CTC1: variants seen among roughly 807,000 people sequenced by gnomAD.
CTC1 encodes the protein CST complex subunit CTC1.
Under a neutral mutation model 136.3 loss-of-function variants are expected in CTC1, and 91 were observed. The ratio of observed to expected loss-of-function variants is 0.67; its 90% CI spans 0.56 to 0.79. The LOEUF is 0.79. CTC1 is among the 30% of genes least tolerant of loss of function. The pLI is 0.00. For missense variants in CTC1, 1,432 were observed against 1,498.1 expected (o/e 0.96, Z 0.73); for synonymous variants, 606 against 613.8 (o/e 0.99, Z 0.19).
intron 5 of CTC1, 25 bp from the exon 6 acceptor site, chr17:8,236,367 G>GT: frequency 6.3e-7 from 1 of 1,590,878 alleles, no homozygotes; most frequent in Non-Finnish European, 8.5e-7. Flanking sequence ...GACAGGCAAT[G>GT]TGACACAAGA....
At chr17:8,243,734 G>A (rs549515731) in intron 1 of CTC1, among the ~76,000 whole-genome samples, 71 of 152,218 alleles carry the variant, frequency 4.7e-4, no homozygotes, top group African/African-American at 1.6e-3. Flanking sequence ...TGAAGACCAA[G>A]AATGGACAAA....
chr17:8,234,545 C>A lies in CTC1; in HGVS notation c.1728G>T (p.Pro576=), dbSNP rs78320653. Residue 576 remains proline, a synonymous_variant, in exon 10 of 23, where the codon CCG becomes CCT. Transcript: ENST00000651323. Reference sequence around the variant, plus strand: ...GGCAGCTGGGCAGGTAGGAGGCCTCCGGGAGGGGCAGAAGGGCCTTAGGGT... The same window carrying A: ...GGCAGCTGGGCAGGTAGGAGGCCTCAGGGAGGGGCAGAAGGGCCTTAGGGT... The part of the protein sequence containing the change: ...SFDPKALLPL[P]EASYLPSCQL... The A allele has an allele frequency of 3.9e-5, 62 of 1,574,802 alleles. No homozygotes were observed. In the South Asian group the frequency reaches 6.8e-4, roughly 17 times the overall value.
intron 1 of CTC1, among the ~76,000 whole-genome samples, chr17:8,247,244 C>T (rs1988808286): frequency 6.6e-6 from 1 of 151,536 alleles, no homozygotes; most frequent in Non-Finnish European, 1.5e-5. Context: ...TTTTCAGACA[C>T]CTGCTCTATC....
At chr17:8,232,731 A>T (rs1156909762) in intron 11 of CTC1, 175 bp downstream of exon 11, 1 of 831,838 alleles carries the variant, frequency 1.2e-6, no homozygotes, top group Non-Finnish European at 1.9e-6. Context: ...AATTCTGGCT[A>T]GGGGTCCTCT....
chr17:8,241,772 G>T (rs1988237573), intron 2 of CTC1, among the ~76,000 whole-genome samples: 1 of 148,786 alleles, frequency 6.7e-6, no homozygotes, highest in East Asian at 2.0e-4. Context: ...AGAATTGCTT[G>T]AGCCCAGGAG....
chr17:8,230,601 A>T lies in CTC1; in HGVS notation c.2720T>A (p.Leu907Gln). The T allele has an allele frequency of 6.2e-7, 1 of 1,614,208 alleles. No homozygotes were observed. The highest frequency in any genetic ancestry group is 8.5e-7 in the Non-Finnish European group (1 of 1,180,030). Residue 907 changes from leucine (L) to glutamine (Q), a missense_variant, in exon 16 of 23, where the codon CTA becomes CAA. Coordinates refer to ENST00000651323, the MANE Select transcript of CTC1 (RefSeq NM_025099.6). ...GAGAGACGCCACAAGGGGTTCACAT[A>T]GTGTCCGTGACAAAATCTCAGCGGA... Reference protein sequence around the residue: ...SFSAEILSRTLCEPLVASLWM... With the variant: ...SFSAEILSRTQCEPLVASLWM...
In CTC1 at chr17:8,235,073, G is replaced by T; in HGVS notation, c.1419C>A (p.Ala473=). The T allele has an allele frequency of 1.9e-6, 3 of 1,614,098 alleles. No homozygotes were observed. Among genetic ancestry groups the T allele is most frequent in the Non-Finnish European group, 2.5e-6 (3 of 1,180,006 alleles). The change falls in exon 8 of 23, where the codon GCC becomes GCA. Residue 473 remains alanine, a synonymous_variant. Transcript: ENST00000651323. ...CTCACTTGCAGGCCAGCTCCTCCAG[G>T]GCCTTGGTAGCCCACAGGTAGAGGG... ...GLPLYLWATK[A]LEELACKLCP...
At chr17:8,231,643 T>C in intron 14 of CTC1, 83 bp downstream of exon 14, 1 of 1,364,672 alleles carries the variant, frequency 7.3e-7, no homozygotes, top group Non-Finnish European at 1.0e-6. Flanking sequence ...GCCTAGAGAA[T>C]GACCAGGCAC....
intron 1 of CTC1, 160 bp downstream of exon 1, chr17:8,247,844 G>A (rs1458231742): frequency 2.5e-5 from 17 of 677,856 alleles, no homozygotes; most frequent in African/African-American, 1.3e-4. Context: ...AACATTCGCA[G>A]AACCAGTAAG....
At chr17:8,229,744 A>T in intron 18 of CTC1, 147 bp downstream of exon 18, 1 of 684,460 alleles carries the variant, frequency 1.5e-6, no homozygotes, top group Non-Finnish European at 2.5e-6. Flanking sequence ...AGCATTTTTT[A>T]TTTGGAGTAG....
chr17:8,243,160 G>A lies in CTC1; in HGVS notation c.34-12C>T. On this transcript the variant is annotated splice_polypyrimidine_tract_variant and intron_variant, in intron 1 of 22. Coordinates refer to ENST00000651323, the MANE Select transcript of CTC1 (RefSeq NM_025099.6). ...AGCCAGGCTTGTTCCTGAGGAAAGT[G>A]AATTTAGTTAAAACATCTTGACTAT... 1.2e-6 allele frequency: 2 copies of A among 1,608,554 alleles called. No individual in the cohort carries two copies. Among genetic ancestry groups the A allele is most frequent in the South Asian group, 2.2e-5 (2 of 90,264 alleles).
At chr17:8,228,980 G>C in intron 20 of CTC1, 88 bp from the exon 21 acceptor site, 1 of 1,497,742 alleles carries the variant, frequency 6.7e-7, no homozygotes, top group South Asian at 1.2e-5. Flanking sequence ...CCCGCTGTCT[G>C]CAGTCTTTGG....
At chr17:8,230,201 G>C in intron 17 of CTC1, 93 bp downstream of exon 17, 1 of 1,299,198 alleles carries the variant, frequency 7.7e-7, no homozygotes, top group Non-Finnish European at 1.1e-6. Flanking sequence ...GTATGAAAGA[G>C]AAGGGGTCGC....
intron 2 of CTC1, among the ~76,000 whole-genome samples, chr17:8,242,533 GAAAA>G (rs58895309): frequency 0.036 from 2,966 of 83,016 alleles, 29 homozygotes; most frequent in East Asian, 0.098. Context: ...AGTGTAGAGA[GAAAA>G]AAAAAAAAAA....
chr17:8,242,579 T>TACAC (rs1567620628), intron 2 of CTC1, among the ~76,000 whole-genome samples: 5 of 127,940 alleles, frequency 3.9e-5, no homozygotes, highest in African/African-American at 1.4e-4. Flanking sequence ...TATATATATA[T>TACAC]ACACATATAT....
chr17:8,247,195 C>G (rs1272547254), intron 1 of CTC1, among the ~76,000 whole-genome samples: 1 of 151,486 alleles, frequency 6.6e-6, no homozygotes, highest in East Asian at 2.0e-4. Context: ...AAACTGTCAG[C>G]TCTGACCCCT....
chr17:8,233,137 A>C, intron 10 of CTC1, 105 bp from the exon 11 acceptor site: 1 of 1,299,676 alleles, frequency 7.7e-7, no homozygotes, highest in Non-Finnish European at 1.1e-6. Flanking sequence ...AAAATGAACA[A>C]AAAAGACACG....
Position 8,236,251 on chromosome 17 carries a change from C to G in CTC1, c.884G>C (p.Arg295Pro). ...ELRVSKIRGQ[R>P]QHVWMTSQSS... The stretch of plus-strand genomic sequence containing the variant: ...CTGACTGGTCATCCAAACATGCTGG[C>G]GCTGACCACGGATCTTGGACACTCG... Residue 295 changes from arginine (R) to proline (P), a missense_variant, in exon 6 of 23, where the codon CGC becomes CCC. Coordinates refer to ENST00000651323, the MANE Select transcript of CTC1 (RefSeq NM_025099.6). 1 of 1,614,168 alleles carries G rather than the reference C, an allele frequency of 6.2e-7. No homozygotes were observed.
intron 1 of CTC1, among the ~76,000 whole-genome samples, chr17:8,243,443 C>T (rs982561645): frequency 3.3e-5 from 5 of 150,972 alleles, no homozygotes; most frequent in African/African-American, 1.2e-4. Flanking sequence ...TGCTTGAACC[C>T]AGGAGGCGGA....
Sources: gnomAD v4.1 joint callset for allele counts (sites outside exome capture counted in the v4.1 genomes callset) on GRCh38, gnomAD v4.1.1 for gene constraint, MANE v1.5 for transcripts, NCBI Gene and HGNC (gene_info 2026-07-23, HGNC 2026-07-21) for gene names.